BCAT1: variants seen among roughly 807,000 people sequenced by gnomAD.
BCAT1 encodes the protein branched-chain-amino-acid aminotransferase, cytosolic.
BCAT1 carries 48 observed loss-of-function variants against 52.4 expected under a neutral mutation model. That is an observed-to-expected ratio of 0.92 (90% CI 0.73 to 1.16). BCAT1 has a LOEUF of 1.16. Ranked by LOEUF, BCAT1 falls within the 50% of genes most tolerant of loss-of-function variation. The probability of loss-of-function intolerance (pLI) is 0.00; values close to 1 mark genes in which losing one functional copy is unlikely to be tolerated. For synonymous variants in BCAT1, 167 were observed against 161.3 expected (o/e 1.04, Z -0.27); for missense variants, 451 against 457.1 (o/e 0.99, Z 0.12).
chr12:24,888,055 C>T (rs975994168), intron 3 of BCAT1, among the ~76,000 whole-genome samples: 1 of 152,154 alleles, frequency 6.6e-6, no homozygotes, highest in Admixed American at 6.6e-5. Flanking sequence ...GGTTGACATT[C>T]AATCATGTGA....
intron 5 of BCAT1, among the ~76,000 whole-genome samples, chr12:24,860,427 AT>A (rs1470167228): frequency 1.3e-5 from 2 of 152,234 alleles, no homozygotes; most frequent in African/African-American, 4.8e-5. Context: ...GTTGTTAAAA[AT>A]TGAGTAAATT....
intron 5 of BCAT1, among the ~76,000 whole-genome samples, chr12:24,870,509 C>T (rs1942153671): frequency 6.6e-6 from 1 of 152,170 alleles, no homozygotes; most frequent in South Asian, 2.1e-4. Flanking sequence ...TCAATATGCA[C>T]TCATTTAGTG....
Position 24,911,149 on chromosome 12 carries a change from A to C in BCAT1, c.7-9264T>G, listed in dbSNP as rs544575949. On this transcript the variant is annotated intron_variant, in intron 1 of 10. Transcript: ENST00000261192. Reference sequence around the variant, plus strand: ...TATTAGTTATCATGAAAAACATGACACATTTCCTTGTTTTACATTACTAAT... The same window carrying C: ...TATTAGTTATCATGAAAAACATGACCCATTTCCTTGTTTTACATTACTAAT... Among the ~76,000 whole-genome samples, 284 of 152,184 alleles carry C rather than the reference A, an allele frequency of 1.9e-3. 1 individual carries two copies. Among genetic ancestry groups the C allele is most frequent in the African/African-American group, 6.2e-3 (257 of 41,514 alleles).
chr12:24,899,130 T>C (rs568357055), intron 2 of BCAT1, among the ~76,000 whole-genome samples: 5 of 152,300 alleles, frequency 3.3e-5, no homozygotes, highest in South Asian at 4.1e-4. Context: ...AAGAGGATCC[T>C]AGAGTCCACA....
intron 1 of BCAT1, among the ~76,000 whole-genome samples, chr12:24,938,680 G>A (rs1046636379): frequency 6.6e-6 from 1 of 152,060 alleles, no homozygotes; most frequent in African/African-American, 2.4e-5. Context: ...TCTGAGCCCA[G>A]GAGTATGGGG....
intron 1 of BCAT1, among the ~76,000 whole-genome samples, chr12:24,948,169 C>T (rs1943962552): frequency 2.0e-5 from 3 of 152,236 alleles, no homozygotes; most frequent in Admixed American, 6.5e-5. Flanking sequence ...CCATCCTTCA[C>T]TTTCCTTGGA....
In BCAT1 at chr12:24,817,970, GGTATCCTCTATTTTCCATT is replaced by G. The variant is rs1168980178; in HGVS notation, c.*19_*37del. 5 of 1,598,162 alleles carry G rather than the reference GGTATCCTCTATTTTCCATT, an allele frequency of 3.1e-6. No homozygotes were observed. The highest frequency in any genetic ancestry group is 1.3e-5 in the African/African-American group (1 of 74,568). ...CAGTCTGTCCCAGTAGCATACAGTT[GGTATCCTCTATTTTCCATT>G]GTATCCTCTATTTTCCATTCAGGAT... On this transcript the variant is annotated 3_prime_UTR_variant, in exon 11 of 11. Transcript: ENST00000261192.
intron 5 of BCAT1, among the ~76,000 whole-genome samples, chr12:24,870,822 A>G (rs1299461066): frequency 6.6e-6 from 1 of 152,196 alleles, no homozygotes; most frequent in Admixed American, 6.5e-5. Flanking sequence ...CAGGATTTCA[A>G]GACCAGCCTG....
At chr12:24,847,611 A>G (rs982456899) in intron 6 of BCAT1, among the ~76,000 whole-genome samples, 14 of 152,084 alleles carry the variant, frequency 9.2e-5, no homozygotes, top group Non-Finnish European at 1.5e-4. Flanking sequence ...GAGAGAGAAA[A>G]AGAGAGAAAG....
In BCAT1 at chr12:24,814,750, T is replaced by C. The variant is rs754928625; in HGVS notation, c.*3258A>G. The C allele has an allele frequency of 7.3e-5, 11 of 151,588 alleles. No homozygotes were observed. The highest frequency in any genetic ancestry group is 1.6e-4 in the Non-Finnish European group (11 of 67,944). The allele number at this position is 151,588 out of a possible 1,614,324, so 9.4% of individuals were successfully genotyped here. A position where few individuals can be genotyped will look rare whatever the true frequency, so the allele number is the denominator to read the frequency against. ...AGAGCTGACATTGCATGTTACCATCTAGCTGATGTTACGCTCTGCTTTCTT... is the reference window on the plus strand; with the variant it reads ...AGAGCTGACATTGCATGTTACCATCCAGCTGATGTTACGCTCTGCTTTCTT... On this transcript the variant is annotated 3_prime_UTR_variant, in exon 11 of 11. Coordinates refer to ENST00000261192, the MANE Select transcript of BCAT1 (RefSeq NM_005504.7).
chr12:24,812,980 G>A lies in BCAT1; in HGVS notation c.*5028C>T, dbSNP rs1190287625. Reference sequence around the variant, plus strand: ...AGAATGAAAAATACACTTTCAGACAGAATAAGATGACTTAAAACTTCAATA... The same window carrying A: ...AGAATGAAAAATACACTTTCAGACAAAATAAGATGACTTAAAACTTCAATA... On this transcript the variant is annotated 3_prime_UTR_variant, in exon 11 of 11. Transcript: ENST00000261192. 4 of 151,966 alleles carry A rather than the reference G, an allele frequency of 2.6e-5. No homozygotes were observed. The highest frequency in any genetic ancestry group is 7.2e-5 in the African/African-American group (3 of 41,428). 9.4% of individuals were successfully genotyped at this position (151,966 alleles called of 1,614,324 possible).
chr12:24,891,405 C>T (rs1942833958), intron 3 of BCAT1, among the ~76,000 whole-genome samples: 1 of 151,674 alleles, frequency 6.6e-6, no homozygotes, highest in Non-Finnish European at 1.5e-5. Flanking sequence ...TGACTCTAAC[C>T]CCAGCCACTG....
intron 6 of BCAT1, among the ~76,000 whole-genome samples, chr12:24,844,894 CAAAAAAA>C (rs11318750): frequency 2.8e-4 from 10 of 36,000 alleles, no homozygotes; most frequent in African/African-American, 8.3e-4. Context: ...GAGACTGTCT[CAAAAAAA>C]AAAAAAAAAA....
intron 1 of BCAT1, among the ~76,000 whole-genome samples, chr12:24,922,924 A>C (rs1055918785): frequency 1.3e-5 from 2 of 152,108 alleles, no homozygotes; most frequent in Admixed American, 1.3e-4. Flanking sequence ...GAAAAGGCAC[A>C]TGGGACAAAG....
Position 24,832,801 on chromosome 12 carries a change from C to A in BCAT1, c.966G>T (p.Gly322=), listed in dbSNP as rs1305188721. The part of the protein sequence containing the change: ...TMDDLTTALE[G]NRVREMFGSG... The stretch of plus-strand genomic sequence containing the variant: ...AGCCAAACATCTCTCTCACTCTGTT[C>A]CCCTCCAGGGCTGTTGTCAAGTCAT... Residue 322 remains glycine (G), a synonymous_variant, in exon 9 of 11, where the codon GGG becomes GGT. Coordinates refer to ENST00000261192, the MANE Select transcript of BCAT1 (RefSeq NM_005504.7). 6.2e-7 allele frequency: 1 copy of A among 1,612,166 alleles called. No homozygotes were observed. Among genetic ancestry groups the A allele is most frequent in the Non-Finnish European group, 8.5e-7 (1 of 1,179,058 alleles).
chr12:24,823,725 T>C (rs1353227794), intron 10 of BCAT1, among the ~76,000 whole-genome samples: 4 of 152,178 alleles, frequency 2.6e-5, no homozygotes, highest in Non-Finnish European at 5.9e-5. Context: ...CCATGTAATA[T>C]GTACTGGCTT....
At chr12:24,854,802 T>G (rs986794863) in intron 5 of BCAT1, among the ~76,000 whole-genome samples, 3 of 152,154 alleles carry the variant, frequency 2.0e-5, no homozygotes, top group Non-Finnish European at 4.4e-5. Context: ...TAAGTTCTAG[T>G]TCTTCTCCTC....
rs1566561461 is a variant in BCAT1 at position 24,832,715 on chromosome 12, TGTC to T, written c.1044+5_1044+7del. 2.5e-6 allele frequency: 4 copies of T among 1,599,536 alleles called. No homozygotes were observed. The highest frequency in any genetic ancestry group is 3.4e-6 in the Non-Finnish European group (4 of 1,173,566). On this transcript the variant is annotated splice_donor_5th_base_variant and intron_variant, in intron 9 of 10. Coordinates refer to ENST00000261192, the MANE Select transcript of BCAT1 (RefSeq NM_005504.7). ...AAATGATAGGAAATGAGGAAATACT[TGTC>T]GTACCTCGCCTTTGTACAGTATATC...
intron 5 of BCAT1, among the ~76,000 whole-genome samples, chr12:24,862,753 T>C (rs1941883067): frequency 6.6e-6 from 1 of 152,172 alleles, no homozygotes; most frequent in South Asian, 2.1e-4. Flanking sequence ...CCATCATTCT[T>C]CAGTTAACAA....
Sources: gnomAD v4.1 joint callset for allele counts (sites outside exome capture counted in the v4.1 genomes callset) on GRCh38, gnomAD v4.1.1 for gene constraint, MANE v1.5 for transcripts, NCBI Gene and HGNC (gene_info 2026-07-23, HGNC 2026-07-21) for gene names.